Variants in ZNF493 observed in about 807,000 individuals in gnomAD.
ZNF493 encodes zinc finger protein 493.
A neutral mutation model predicts 12.2 loss-of-function variants in ZNF493; 11 were observed. The observed-to-expected ratio is 0.90, with a 90% confidence interval of 0.57 to 1.50. The LOEUF (loss-of-function observed/expected upper bound fraction) is 1.50, where lower values mean the gene tolerates loss of function less well. Among genes scored for constraint, ZNF493 ranks in the 40% most tolerant of loss-of-function variants. The pLI, the probability that ZNF493 is intolerant of heterozygous loss-of-function variation, is 0.00. For missense variants in ZNF493, 950 were observed against 906.6 expected (o/e 1.05, Z -0.61); for synonymous variants, 286 against 302.6 (o/e 0.95, Z 0.57).
chr19:21,425,293 C>T lies in ZNF493; in HGVS notation c.*309C>T. The T allele has an allele frequency of 2.2e-6, 1 of 457,506 alleles. No homozygotes were observed. The highest frequency in any genetic ancestry group is 4.2e-6 in the Non-Finnish European group (1 of 239,582). The allele number at this position is 457,506 out of a possible 1,614,324, so 28.3% of individuals were successfully genotyped here. Reference sequence around the variant, plus strand: ...TACAAATATGAAGAATGTGACAAAGCTTTTAACCACTTCTCAACCCTGCCT... The same window carrying T: ...TACAAATATGAAGAATGTGACAAAGTTTTTAACCACTTCTCAACCCTGCCT... On this transcript the variant is annotated 3_prime_UTR_variant, in exon 4 of 4. Coordinates refer to ENST00000392288, the MANE Select transcript of ZNF493 (RefSeq NM_001076678.3).
At chr19:21,418,467 A>G (rs1367106198) in intron 3 of ZNF493, among the ~76,000 whole-genome samples, 1 of 152,126 alleles carries the variant, frequency 6.6e-6, no homozygotes, top group Non-Finnish European at 1.5e-5. Context: ...GCTTAGTTCT[A>G]CATTCTCCAA....
chr19:21,402,824 G>T (rs1191891500), intron 1 of ZNF493, among the ~76,000 whole-genome samples: 1 of 152,138 alleles, frequency 6.6e-6, no homozygotes, highest in Non-Finnish European at 1.5e-5. Context: ...TAAGAGTGAG[G>T]GATAAGGCCA....
At position 21,424,617 on chromosome 19, in the gene ZNF493, T is replaced by G. The variant is rs1345237748; in HGVS notation, c.1958T>G (p.Val653Gly). 1 of 1,596,334 alleles carries G rather than the reference T, an allele frequency of 6.3e-7. No homozygotes were observed. Among genetic ancestry groups the G allele is most frequent in the Non-Finnish European group, 8.5e-7 (1 of 1,173,660 alleles). ...HLAGHKQIHS[V>G]QKPYKCEECG... ...GCTGGGCACAAGCAAATTCATAGTG[T>G]ACAAAAACCCTACAAATGTGAAGAA... The change falls in exon 4 of 4, where the codon GTA (valine) becomes GGA (glycine). Residue 653 changes from valine (V) to glycine (G), a missense_variant. Physicochemically the swap from Val to Gly is moderately radical, Grantham distance 109. Coordinates refer to ENST00000392288, the MANE Select transcript of ZNF493 (RefSeq NM_001076678.3).
Position 21,426,882 on chromosome 19 carries a change from T to G in ZNF493, c.*1898T>G, listed in dbSNP as rs2145319279. 6.0e-6 allele frequency: 1 copy of G among 167,058 alleles called. No individual in the cohort carries two copies. The highest frequency in any genetic ancestry group is 2.1e-4 in the South Asian group (1 of 4,824). 10.3% of individuals were successfully genotyped at this position (167,058 alleles called of 1,614,324 possible). ...AATAAAACTAAAGTTGGTAGAAAAATTATTTGTATATAATGTTAAGAGGAG... is the reference window on the plus strand; with the variant it reads ...AATAAAACTAAAGTTGGTAGAAAAAGTATTTGTATATAATGTTAAGAGGAG... On this transcript the variant is annotated 3_prime_UTR_variant, in exon 4 of 4. Transcript: ENST00000392288.
At chr19:21,411,178 A>T (rs1389715961) in intron 3 of ZNF493, among the ~76,000 whole-genome samples, 1 of 152,120 alleles carries the variant, frequency 6.6e-6, no homozygotes, top group Non-Finnish European at 1.5e-5. Flanking sequence ...TGTTTTTAAC[A>T]TTATTTTTTG....
intron 3 of ZNF493, among the ~76,000 whole-genome samples, chr19:21,410,545 A>G (rs1483190685): frequency 6.6e-6 from 1 of 151,768 alleles, no homozygotes; most frequent in African/African-American, 2.4e-5. Context: ...TCATCTATAA[A>G]TTAATTTAGC....
chr19:21,411,498 T>A (rs1273891142), intron 3 of ZNF493, among the ~76,000 whole-genome samples: 2 of 152,062 alleles, frequency 1.3e-5, no homozygotes, highest in Non-Finnish European at 1.5e-5. Context: ...GGCGAGCAGA[T>A]TGCCTGAGCT....
chr19:21,417,283 C>G (rs1328966084), intron 3 of ZNF493, among the ~76,000 whole-genome samples: 5 of 152,142 alleles, frequency 3.3e-5, no homozygotes, highest in Non-Finnish European at 7.3e-5. Context: ...AAAACAAGCT[C>G]CAGGAAATGG....
At chr19:21,408,057 A>C in intron 3 of ZNF493, 1 of 982,994 alleles carries the variant, frequency 1.0e-6, no homozygotes, top group Non-Finnish European at 1.2e-6. Flanking sequence ...CTGGTTCTAC[A>C]TTAGGGTCCA....
At chr19:21,421,089 CTG>C (rs1442853307) in intron 3 of ZNF493, among the ~76,000 whole-genome samples, 1 of 152,044 alleles carries the variant, frequency 6.6e-6, no homozygotes, top group African/African-American at 2.4e-5. Context: ...ATTCCCTTTT[CTG>C]TGACTTTTAC....
At position 21,423,355 on chromosome 19, in the gene ZNF493, T is replaced by C. The variant is rs2030741768; in HGVS notation, c.696T>C (p.His232=). The change falls in exon 4 of 4, where the codon CAT becomes CAC. Residue 232 remains histidine (H), a synonymous_variant. Transcript: ENST00000392288. ...CCCTTACTAGACACAGGAGAGTTCA[T>C]ACTGGAGAGAAATCCTACAAATATG... is the stretch of plus-strand genomic sequence containing the variant. ...FSTLTRHRRV[H]TGEKSYKYEC... is the part of the protein sequence containing the mutation. The C allele has an allele frequency of 1.9e-6, 3 of 1,613,138 alleles. No individual in the cohort carries two copies. The highest frequency in any genetic ancestry group is 1.7e-5 in the Admixed American group (1 of 59,928).
intron 3 of ZNF493, chr19:21,407,540 C>T: frequency 1.5e-6 from 1 of 645,278 alleles, no homozygotes; most frequent in Non-Finnish European, 1.9e-6. Flanking sequence ...CCGCCCGCCT[C>T]AGTCTCCCAA....
chr19:21,398,502 C>T, intron 1 of ZNF493: 1 of 287,040 alleles, frequency 3.5e-6, no homozygotes, highest in Non-Finnish European at 6.7e-6. Flanking sequence ...TTGGTTTTTT[C>T]CTGGTCATGG....
rs1176147725 is a variant in ZNF493 at position 21,424,570 on chromosome 19, T to C, written c.1911T>C (p.Ala637=). 1.2e-6 allele frequency: 2 copies of C among 1,613,336 alleles called. No individual in the cohort carries two copies. Among genetic ancestry groups the C allele is most frequent in the Non-Finnish European group, 1.7e-6 (2 of 1,179,726 alleles). ...KPYKCEECGK[A]FKRSSHLAGH... ...ACAAATGTGAAGAATGTGGCAAAGC[T>C]TTTAAGCGGTCCTCACACCTCGCTG... Residue 637 remains alanine (A), a synonymous_variant, in exon 4 of 4, where the codon GCT becomes GCC. Coordinates refer to ENST00000392288, the MANE Select transcript of ZNF493 (RefSeq NM_001076678.3).
rs1274840721 is a variant in ZNF493 at position 21,405,198 on chromosome 19, C to T, written c.100C>T (p.Gln34Ter). The change falls in exon 2 of 4, where the codon CAG becomes TAG. Residue 34 changes from glutamine (Q) to a stop codon, truncating the protein, a stop_gained. Transcript: ENST00000392288. LOFTEE classifies it high-confidence loss of function. Reference sequence around the variant, plus strand: ...GGAGTGGCAATGCCTGGACACTGCTCAGCAGGATTTGTATAGGAAAGTGAT... The same window carrying T: ...GGAGTGGCAATGCCTGGACACTGCTTAGCAGGATTTGTATAGGAAAGTGAT... ...LEEWQCLDTA[Q>*]QDLYRKVMLE... 9 of 1,613,878 alleles carry T rather than the reference C, an allele frequency of 5.6e-6. No individual in the cohort carries two copies. In the African/African-American group the frequency reaches 6.7e-5, roughly 12 times the overall value.
chr19:21,405,052 A>G lies in ZNF493; in HGVS notation c.31-77A>G, dbSNP rs1217621310. 5 of 1,537,702 alleles carry G rather than the reference A, an allele frequency of 3.3e-6. No homozygotes were observed. In the African/African-American group the frequency reaches 5.6e-5, roughly 17 times the overall value. On this transcript the variant is annotated intron_variant, in intron 1 of 3. Transcript: ENST00000392288. ...CGAATTTTCTTTACTTTCTCATTTG[A>G]CCTTAATTCAAATGATAAATTTTGC...
Position 21,426,087 on chromosome 19 carries a change from CT to C in ZNF493, c.*1104del, listed in dbSNP as rs1465364574. 3.1e-6 allele frequency: 1 copy of C among 323,462 alleles called. No homozygotes were observed. Among genetic ancestry groups the C allele is most frequent in the African/African-American group, 2.2e-5 (1 of 45,896 alleles). 20.0% of individuals were successfully genotyped at this position (323,462 alleles called of 1,614,324 possible). A position where few individuals can be genotyped will look rare whatever the true frequency, so the allele number is the denominator to read the frequency against. On this transcript the variant is annotated 3_prime_UTR_variant, in exon 4 of 4. Coordinates refer to ENST00000392288, the MANE Select transcript of ZNF493 (RefSeq NM_001076678.3). ...CTTAACACACATACGATAATTCTTA[CT>C]GCAGAGAAACTCTACAAACCAGTAA...
At chr19:21,419,256 G>A (rs1211147431) in intron 3 of ZNF493, among the ~76,000 whole-genome samples, 1 of 152,100 alleles carries the variant, frequency 6.6e-6, no homozygotes, top group Admixed American at 6.5e-5. Context: ...TGGACAGCCA[G>A]TTGGTGTTGG....
intron 3 of ZNF493, chr19:21,413,621 T>G (rs1269272381): frequency 1.7e-5 from 7 of 415,978 alleles, no homozygotes; most frequent in Non-Finnish European, 2.9e-5. Context: ...AATCTCTTCC[T>G]CAGCATCTGG....
Sources: gnomAD v4.1 joint callset for allele counts (sites outside exome capture counted in the v4.1 genomes callset) on GRCh38, gnomAD v4.1.1 for gene constraint, MANE v1.5 for transcripts, NCBI Gene and HGNC (gene_info 2026-07-23, HGNC 2026-07-21) for gene names.